The following UBE2E2 variants were observed in gnomAD, a reference collection of about 807,000 sequenced individuals.
UBE2E2 encodes the protein ubiquitin conjugating enzyme E2 E2, also known as ubiquitin-conjugating enzyme E2 E2.
Under a neutral mutation model 24.7 loss-of-function variants are expected in UBE2E2, and 6 were observed. The ratio of observed to expected loss-of-function variants is 0.24; its 90% CI spans 0.13 to 0.48. UBE2E2 has a LOEUF of 0.48. Ranked by LOEUF, UBE2E2 falls within the 20% of genes least tolerant of loss-of-function variation. The probability of loss-of-function intolerance (pLI) is 0.99; values close to 1 mark genes in which losing one functional copy is unlikely to be tolerated. For missense variants in UBE2E2, 169 were observed against 245.0 expected, an observed-to-expected ratio of 0.69 and a Z score of 2.07; for synonymous variants, 104 against 83.6, an observed-to-expected ratio of 1.24 and a Z score of -1.33.
intron 3 of UBE2E2, among the ~76,000 whole-genome samples, chr3:23,375,866 A>G (rs1696509095): frequency 6.6e-6 from 1 of 152,202 alleles, no homozygotes; most frequent in Non-Finnish European, 1.5e-5. Flanking sequence ...TGTACTGTAG[A>G]TTAATTCTAA....
intron 3 of UBE2E2, among the ~76,000 whole-genome samples, chr3:23,469,046 C>G (rs1017919836): frequency 6.6e-6 from 1 of 152,120 alleles, no homozygotes; most frequent in African/African-American, 2.4e-5. Context: ...GTACCATGGA[C>G]TGAGTGGATT....
intron 3 of UBE2E2, among the ~76,000 whole-genome samples, chr3:23,435,402 A>T (rs1698157055): frequency 6.6e-6 from 1 of 152,252 alleles, no homozygotes. Flanking sequence ...GGTCTGATTC[A>T]CACAGCCAGT....
intron 4 of UBE2E2, among the ~76,000 whole-genome samples, chr3:23,502,844 A>G (rs966517117): frequency 5.9e-5 from 9 of 152,142 alleles, no homozygotes; most frequent in Non-Finnish European, 1.2e-4. Flanking sequence ...CTATAGCACA[A>G]TTTTACTATT....
intron 3 of UBE2E2, among the ~76,000 whole-genome samples, chr3:23,220,971 A>G (rs1696619223): frequency 6.6e-6 from 1 of 152,238 alleles, no homozygotes; most frequent in East Asian, 1.9e-4. Context: ...TAAAATCGTC[A>G]TCATCCAAAG....
chr3:23,291,757 A>C (rs1698770861), intron 3 of UBE2E2, among the ~76,000 whole-genome samples: 1 of 132,288 alleles, frequency 7.6e-6, no homozygotes, highest in East Asian at 2.1e-4. Flanking sequence ...ATCTTGGCTC[A>C]CTGCAACCTC....
chr3:23,463,894 A>G (rs935324548), intron 3 of UBE2E2, among the ~76,000 whole-genome samples: 3 of 152,232 alleles, frequency 2.0e-5, no homozygotes, highest in African/African-American at 7.2e-5. Flanking sequence ...AATTAATGCC[A>G]GTCATTTTCA....
Position 23,429,149 on chromosome 3 carries a change from T to TTTTA in UBE2E2, c.228-70459_228-70458insTTTA, listed in dbSNP as rs553137811. ...TTAAAGCGGTTGAATCAGTAACTAA[T>TTTTA]AACTTTCCAAAACGGAAAGCACCAG... On this transcript the variant is annotated intron_variant, in intron 3 of 5. Coordinates refer to ENST00000396703, the MANE Select transcript of UBE2E2 (RefSeq NM_152653.4). Among the ~76,000 whole-genome samples the TTTTA allele has an allele frequency of 6.2e-3, 951 of 152,216 alleles. 6 individuals are homozygous for TTTTA. Among genetic ancestry groups the TTTTA allele is most frequent in the Non-Finnish European group, 9.7e-3 (661 of 68,004 alleles).
chr3:23,336,910 C>T (rs1695226699), intron 3 of UBE2E2, among the ~76,000 whole-genome samples: 1 of 151,982 alleles, frequency 6.6e-6, no homozygotes, highest in African/African-American at 2.4e-5. Flanking sequence ...GAGACTGAGG[C>T]GGGTGGATCA....
intron 3 of UBE2E2, among the ~76,000 whole-genome samples, chr3:23,230,064 A>G (rs1696932822): frequency 6.6e-6 from 1 of 152,172 alleles, no homozygotes; most frequent in Non-Finnish European, 1.5e-5. Flanking sequence ...CTACGTAACT[A>G]CTTGTAGTAT....
chr3:23,284,623 G>T (rs1698567810), intron 3 of UBE2E2, among the ~76,000 whole-genome samples: 1 of 151,680 alleles, frequency 6.6e-6, no homozygotes, highest in Non-Finnish European at 1.5e-5. Flanking sequence ...GATACCTTGG[G>T]GATGTTTAAT....
chr3:23,570,148 C>G (rs910425907), intron 5 of UBE2E2, among the ~76,000 whole-genome samples: 1 of 152,144 alleles, frequency 6.6e-6, no homozygotes, highest in African/African-American at 2.4e-5. Context: ...TGGTCTGGTA[C>G]CTCCTTTTTC....
intron 3 of UBE2E2, among the ~76,000 whole-genome samples, chr3:23,304,853 A>AGT (rs71051212): frequency 0.065 from 9,770 of 150,866 alleles, 461 homozygotes; most frequent in Non-Finnish European, 0.092. Context: ...TATTCATTGG[A>AGT]GTGTGTGTGT....
intron 3 of UBE2E2, among the ~76,000 whole-genome samples, chr3:23,378,822 C>A (rs967858094): frequency 1.3e-5 from 2 of 152,144 alleles, no homozygotes; most frequent in Non-Finnish European, 2.9e-5. Context: ...CTAAACAGAA[C>A]TGTATAGTTG....
At chr3:23,203,949 GC>G (rs1408047111) in intron 1 of UBE2E2, among the ~76,000 whole-genome samples, 1 of 152,048 alleles carries the variant, frequency 6.6e-6, no homozygotes, top group Non-Finnish European at 1.5e-5. Context: ...CACCCCGGTG[GC>G]CCGCCCGGAG....
chr3:23,373,568 G>C (rs1204315737), intron 3 of UBE2E2, among the ~76,000 whole-genome samples: 3 of 152,188 alleles, frequency 2.0e-5, no homozygotes, highest in Non-Finnish European at 2.9e-5. Flanking sequence ...ACTATGTATA[G>C]CAGGGAGACT....
At chr3:23,211,407 C>CTTTTT (rs3086984) in intron 2 of UBE2E2, among the ~76,000 whole-genome samples, 5 of 131,832 alleles carry the variant, frequency 3.8e-5, no homozygotes, top group Non-Finnish European at 8.1e-5. Flanking sequence ...GCTCTGTGGT[C>CTTTTT]TTTTTTTTTT....
chr3:23,365,817 C>T (rs1553605766), intron 3 of UBE2E2, among the ~76,000 whole-genome samples: 5 of 152,064 alleles, frequency 3.3e-5, no homozygotes, highest in Non-Finnish European at 7.4e-5. Context: ...CAGTCCTAAG[C>T]AAAAAGAACA....
intron 3 of UBE2E2, among the ~76,000 whole-genome samples, chr3:23,457,789 C>A (rs920871981): frequency 6.6e-6 from 1 of 152,230 alleles, no homozygotes; most frequent in African/African-American, 2.4e-5. Context: ...CTTTGTGTCT[C>A]ATGAGCTAAA....
At chr3:23,577,113 G>A (rs185483000) in intron 5 of UBE2E2, among the ~76,000 whole-genome samples, 53 of 151,972 alleles carry the variant, frequency 3.5e-4, no homozygotes, top group Admixed American at 2.8e-3. Context: ...TAATTGATTT[G>A]TAATGGCCTC....
Sources: gnomAD v4.1 joint callset for allele counts (sites outside exome capture counted in the v4.1 genomes callset) on GRCh38, gnomAD v4.1.1 for gene constraint, MANE v1.5 for transcripts, NCBI Gene and HGNC (gene_info 2026-07-23, HGNC 2026-07-21) for gene names.